Variants in GRM1 observed in about 807,000 individuals in gnomAD.
GRM1 encodes the protein metabotropic glutamate receptor 1.
Under a neutral mutation model 90.9 loss-of-function variants are expected in GRM1, and 33 were observed. The ratio of observed to expected loss-of-function variants is 0.36; its 90% confidence interval spans 0.28 to 0.49. GRM1 has a LOEUF of 0.49. GRM1 is among the 20% of genes least tolerant of loss of function. The pLI is 0.99. For synonymous variants in GRM1, 700 were observed against 613.2 expected (o/e 1.14, Z -2.09); for missense variants, 1,190 against 1,534.3 (o/e 0.78, Z 3.75).
intron 1 of GRM1, among the ~76,000 whole-genome samples, chr6:146,138,921 T>C (rs1776731886): frequency 6.6e-6 from 1 of 152,114 alleles, no homozygotes; most frequent in South Asian, 2.1e-4. Flanking sequence ...ACTTAGGTTG[T>C]TTATTTGAAA....
At chr6:146,206,440 A>T (rs1334863167) in intron 2 of GRM1, among the ~76,000 whole-genome samples, 1 of 151,954 alleles carries the variant, frequency 6.6e-6, no homozygotes, top group African/African-American at 2.4e-5. Context: ...AGTTATGCCT[A>T]TTTATTATTA....
At chr6:146,059,621 C>T (rs1027622614) in intron 1 of GRM1, among the ~76,000 whole-genome samples, 2 of 152,128 alleles carry the variant, frequency 1.3e-5, no homozygotes, top group Non-Finnish European at 2.9e-5. Context: ...GCATCGACTT[C>T]TCCTTTCTAG....
intron 1 of GRM1, among the ~76,000 whole-genome samples, chr6:146,115,221 TAC>T (rs67497002): frequency 0.35 from 51,297 of 148,468 alleles, 9,206 homozygotes; most frequent in African/African-American, 0.46. Flanking sequence ...ATTAAATGCA[TAC>T]ACACACACAC....
chr6:146,343,640 T>C (rs547148076), intron 3 of GRM1, among the ~76,000 whole-genome samples: 1 of 147,592 alleles, frequency 6.8e-6, no homozygotes, highest in African/African-American at 2.6e-5. Flanking sequence ...TTTTTTATTG[T>C]TGTTGTTGTT....
At chr6:146,047,272 C>A (rs181533179) in intron 1 of GRM1, among the ~76,000 whole-genome samples, 3 of 149,870 alleles carry the variant, frequency 2.0e-5, no homozygotes, top group Admixed American at 6.7e-5. Flanking sequence ...ACATTTCCTG[C>A]CCACTCATTT....
chr6:146,427,968 C>T (rs534337063), intron 7 of GRM1, among the ~76,000 whole-genome samples: 1 of 152,300 alleles, frequency 6.6e-6, no homozygotes, highest in East Asian at 1.9e-4. Context: ...GGAGAGTTGA[C>T]TGACATTTTG....
chr6:146,129,886 A>C (rs79333888), intron 1 of GRM1, among the ~76,000 whole-genome samples: 2,113 of 152,232 alleles, frequency 0.014, 26 homozygotes, highest in Middle Eastern at 0.041. Context: ...CTAAGGCTAG[A>C]GTCATAGATG....
intron 1 of GRM1, among the ~76,000 whole-genome samples, chr6:146,034,426 T>C (rs990284977): frequency 2.6e-5 from 4 of 152,032 alleles, no homozygotes; most frequent in African/African-American, 9.7e-5. Context: ...CAAGGTCTTT[T>C]CAGAAGTGCT....
rs528202027 is a variant in GRM1, at chr6:146,316,319, A to T, written c.1186+11473A>T. 9.8e-5 allele frequency among the ~76,000 whole-genome samples: 15 copies of T among 152,314 alleles called. No homozygotes were observed. In the East Asian group the frequency reaches 2.7e-3, roughly 27 times the overall value. ...CAGGGAAATTTCTCCACTGTTAAGG[A>T]TTCATGTGATTGAGACCTAGGTAAC... On this transcript the variant is annotated intron_variant, in intron 3 of 7. Transcript: ENST00000282753.
At chr6:146,294,236 A>G (rs1156415608) in intron 2 of GRM1, among the ~76,000 whole-genome samples, 1 of 151,792 alleles carries the variant, frequency 6.6e-6, no homozygotes, top group East Asian at 1.9e-4. Context: ...TTTCCTCCTA[A>G]GAACTCTTTA....
At chr6:146,096,687 A>C (rs1776885116) in intron 1 of GRM1, among the ~76,000 whole-genome samples, 2 of 152,162 alleles carry the variant, frequency 1.3e-5, no homozygotes, top group South Asian at 4.1e-4. Context: ...CTGATTAAGG[A>C]GTGATATTAG....
At chr6:146,215,300 G>A (rs1052230746) in intron 2 of GRM1, among the ~76,000 whole-genome samples, 1 of 152,116 alleles carries the variant, frequency 6.6e-6, no homozygotes, top group African/African-American at 2.4e-5. Flanking sequence ...TTAGTCTTAG[G>A]ATAATCAAGC....
chr6:146,379,916 A>T (rs182739006), intron 5 of GRM1, among the ~76,000 whole-genome samples: 1 of 141,722 alleles, frequency 7.1e-6, no homozygotes, highest in East Asian at 2.2e-4. Context: ...CTTTCTCTCA[A>T]ACATACAGAG....
chr6:146,260,821 T>C (rs1426404782), intron 2 of GRM1, among the ~76,000 whole-genome samples: 1 of 139,932 alleles, frequency 7.1e-6, no homozygotes, highest in African/African-American at 2.7e-5. Context: ...TTTTTTTTTT[T>C]TTTTTTTTTT....
intron 1 of GRM1, among the ~76,000 whole-genome samples, chr6:146,105,057 T>C (rs1435307373): frequency 1.3e-5 from 2 of 152,230 alleles, no homozygotes; most frequent in Non-Finnish European, 2.9e-5. Context: ...GGATAAACCT[T>C]TGGGCTGTAT....
At chr6:146,119,868 G>A (rs913089649) in intron 1 of GRM1, among the ~76,000 whole-genome samples, 4 of 152,148 alleles carry the variant, frequency 2.6e-5, no homozygotes, top group African/African-American at 9.7e-5. Flanking sequence ...TTGAAGTCAG[G>A]TAGCGTGATG....
intron 1 of GRM1, among the ~76,000 whole-genome samples, chr6:146,087,599 G>A (rs1468399497): frequency 6.6e-6 from 1 of 152,118 alleles, no homozygotes; most frequent in East Asian, 1.9e-4. Flanking sequence ...CACTCTCCAC[G>A]CTTACCTCAT....
chr6:146,305,359 T>A (rs1304234584), intron 3 of GRM1, among the ~76,000 whole-genome samples: 1 of 152,110 alleles, frequency 6.6e-6, no homozygotes, highest in Non-Finnish European at 1.5e-5. Context: ...GCTGGACAGA[T>A]GAGCCCCATG....
chr6:146,364,689 G>A (rs779043536), intron 5 of GRM1, among the ~76,000 whole-genome samples: 7 of 151,096 alleles, frequency 4.6e-5, no homozygotes, highest in South Asian at 2.1e-4. Flanking sequence ...ATAGTTACTC[G>A]CATATCCACC....
Sources: allele counts gnomAD v4.1 joint callset (sites outside exome capture counted in the v4.1 genomes callset), GRCh38; gene constraint gnomAD v4.1.1; transcripts MANE v1.5; gene names NCBI Gene and HGNC (gene_info 2026-07-23, HGNC 2026-07-21).